ARHGAP29: variants seen among roughly 807,000 people sequenced by gnomAD.
The protein encoded by ARHGAP29 is rho GTPase-activating protein 29.
A neutral mutation model predicts 122.6 loss-of-function variants in ARHGAP29; 43 were observed. The ratio of observed to expected loss-of-function variants is 0.35; its 90% confidence interval spans 0.27 to 0.45. The LOEUF is 0.45. Ranked by LOEUF, ARHGAP29 falls within the 20% of genes least tolerant of loss-of-function variation. ARHGAP29 has a pLI of 1.00. For synonymous variants in ARHGAP29, 506 were observed against 497.1 expected, an observed-to-expected ratio of 1.02 and a Z score of -0.24; for missense variants, 1,303 against 1,477.2, an observed-to-expected ratio of 0.88 and a Z score of 1.93.
At chr1:94,190,328 A>C in intron 12 of ARHGAP29, 1 of 354,700 alleles carries the variant, frequency 2.8e-6, no homozygotes, top group Non-Finnish European at 5.0e-6. Flanking sequence ...GAAAAGTTCA[A>C]AAGTGACTTC....
chr1:94,207,153 T>C (rs1271854778), intron 5 of ARHGAP29, among the ~76,000 whole-genome samples: 1 of 151,574 alleles, frequency 6.6e-6, no homozygotes, highest in Non-Finnish European at 1.5e-5. Flanking sequence ...GGACTACAGA[T>C]GCACATCACC....
intron 5 of ARHGAP29, among the ~76,000 whole-genome samples, chr1:94,206,702 G>C (rs1651214028): frequency 6.6e-6 from 1 of 151,984 alleles, no homozygotes; most frequent in Non-Finnish European, 1.5e-5. Context: ...CTCGAGGCCA[G>C]CCTGACCAAC....
At chr1:94,220,135 C>A in intron 3 of ARHGAP29, 123 bp downstream of exon 3, 1 of 1,099,874 alleles carries the variant, frequency 9.1e-7, no homozygotes. Flanking sequence ...ATATATAACT[C>A]CTTATTAACA....
chr1:94,298,501 G>T, the ARHGAP29 span, among the ~76,000 whole-genome samples: 1 of 152,124 alleles, frequency 6.6e-6, no homozygotes, highest in Non-Finnish European at 1.5e-5. Flanking sequence ...AGGATTACCT[G>T]TATTCAAGTG....
chr1:94,266,106 A>C (rs1654760254), intron 1 of ARHGAP29, among the ~76,000 whole-genome samples: 1 of 152,176 alleles, frequency 6.6e-6, no homozygotes, highest in African/African-American at 2.4e-5. Flanking sequence ...AGGAAACCGA[A>C]ATCTACTTAG....
At chr1:94,205,823 G>A (rs1482856517) in intron 5 of ARHGAP29, 140 bp from the exon 6 acceptor site, 16 of 671,436 alleles carry the variant, frequency 2.4e-5, no homozygotes, top group Non-Finnish European at 3.6e-5. Context: ...GGCCTTAGAA[G>A]TCTGTTTAAG....
At chr1:94,287,825 A>G in the ARHGAP29 span, among the ~76,000 whole-genome samples, 1 of 150,796 alleles carries the variant, frequency 6.6e-6, no homozygotes, top group Admixed American at 6.6e-5. Flanking sequence ...TGCAAAGGAC[A>G]TGAACTCATC....
chr1:94,287,605 T>C, the ARHGAP29 span, among the ~76,000 whole-genome samples: 1 of 152,116 alleles, frequency 6.6e-6, no homozygotes, highest in Admixed American at 6.6e-5. Context: ...CTGCACCCAT[T>C]AACTCGTCAT....
chr1:94,196,247 CGT>C (rs199780743), intron 12 of ARHGAP29, among the ~76,000 whole-genome samples: 45,851 of 138,518 alleles, frequency 0.33, 7,580 homozygotes, highest in South Asian at 0.44. Context: ...TCGATTTTTC[CGT>C]GTTTTTCTTT....
At chr1:94,244,586 A>C (rs1576592) in intron 1 of ARHGAP29, among the ~76,000 whole-genome samples, 17,625 of 152,066 alleles carry the variant, frequency 0.12, 1,231 homozygotes, top group African/African-American at 0.18. Context: ...AGAAAGAAAT[A>C]AAATGCATTC....
the ARHGAP29 span, among the ~76,000 whole-genome samples, chr1:94,299,543 A>T: frequency 3.3e-5 from 5 of 152,186 alleles, no homozygotes; most frequent in South Asian, 1.0e-3. Flanking sequence ...AGGACAGTAA[A>T]AACAGTAGTA....
At chr1:94,174,851 A>G (rs1648993030) in intron 22 of ARHGAP29, 102 bp from the exon 23 acceptor site, 2 of 1,305,858 alleles carry the variant, frequency 1.5e-6, no homozygotes, top group South Asian at 1.5e-5. Context: ...TGAGTCTTAC[A>G]TATTTTTTCC....
At chr1:94,302,791 T>C in the ARHGAP29 span, 1 of 264,138 alleles carries the variant, frequency 3.8e-6, no homozygotes, top group South Asian at 3.7e-5. Flanking sequence ...TATGATGACA[T>C]CAAGGAGGTG....
At chr1:94,293,288 G>A in the ARHGAP29 span, among the ~76,000 whole-genome samples, 2 of 152,238 alleles carry the variant, frequency 1.3e-5, no homozygotes, top group South Asian at 4.1e-4. Context: ...CACTGAGCCA[G>A]GCACGGGAGG....
At chr1:94,313,962 C>G in the ARHGAP29 span, among the ~76,000 whole-genome samples, 1 of 152,264 alleles carries the variant, frequency 6.6e-6, no homozygotes, top group South Asian at 2.1e-4. Flanking sequence ...ACATCACACC[C>G]CAGGGCCTGT....
chr1:94,231,823 T>G (rs1414534823), intron 1 of ARHGAP29, among the ~76,000 whole-genome samples, 180 bp from the exon 2 acceptor site: 1 of 152,150 alleles, frequency 6.6e-6, no homozygotes, highest in East Asian at 1.9e-4. Context: ...TTATTGATAA[T>G]AGCAGTTTCC....
the ARHGAP29 span, among the ~76,000 whole-genome samples, chr1:94,291,563 T>G: frequency 1.3e-5 from 2 of 152,242 alleles, no homozygotes; most frequent in Non-Finnish European, 2.9e-5. Flanking sequence ...TCTTTACAAT[T>G]TGGCATGTTT....
intron 1 of ARHGAP29, among the ~76,000 whole-genome samples, chr1:94,262,033 A>C (rs1654577201): frequency 6.6e-6 from 1 of 152,244 alleles, no homozygotes; most frequent in Non-Finnish European, 1.5e-5. Context: ...CCAAAACAGC[A>C]TGGAACTGTT....
chr1:94,210,717 G>A (rs1651537219), intron 3 of ARHGAP29, among the ~76,000 whole-genome samples: 1 of 152,112 alleles, frequency 6.6e-6, no homozygotes, highest in Admixed American at 6.6e-5. Context: ...ACTTCTACCT[G>A]AAACAACTAA....
Sources: gnomAD v4.1 joint callset for allele counts (sites outside exome capture counted in the v4.1 genomes callset) on GRCh38, gnomAD v4.1.1 for gene constraint, MANE v1.5 for transcripts, NCBI Gene and HGNC (gene_info 2026-07-23, HGNC 2026-07-21) for gene names.